The following DLC1 variants were observed in gnomAD, a reference collection of about 807,000 sequenced individuals.
The protein encoded by DLC1 is rho GTPase-activating protein 7.
A neutral mutation model predicts 140.3 loss-of-function variants in DLC1; 54 were observed. The observed-to-expected ratio is 0.38, with a 90% CI of 0.31 to 0.48. The LOEUF (loss-of-function observed/expected upper bound fraction) is 0.48, where lower values mean the gene tolerates loss of function less well. Ranked by LOEUF, DLC1 falls within the 20% of genes least tolerant of loss-of-function variation. DLC1 has a pLI of 0.96. For missense variants in DLC1, 2,536 were observed against 1,907.0 expected, an observed-to-expected ratio of 1.33 and a Z score of -6.14; for synonymous variants, 986 against 728.1, an observed-to-expected ratio of 1.35 and a Z score of -5.70.
At chr8:13,295,608 T>C (rs966070506) in intron 5 of DLC1, among the ~76,000 whole-genome samples, 3 of 152,210 alleles carry the variant, frequency 2.0e-5, no homozygotes, top group Admixed American at 2.0e-4. Flanking sequence ...GAAATGTCTA[T>C]GGAATCCATT....
intron 5 of DLC1, among the ~76,000 whole-genome samples, chr8:13,282,881 T>G (rs1831412843): frequency 6.6e-6 from 1 of 152,208 alleles, no homozygotes; most frequent in Admixed American, 6.5e-5. Flanking sequence ...ATTAGAAGAC[T>G]TCCTTCTGAG....
rs1365161575 is a variant in DLC1, at chr8:13,439,477, T to TTTCTTTTTTTTTTTAAATCCC, written c.1024-37879_1024-37859dup. 3.3e-5 allele frequency among the ~76,000 whole-genome samples: 5 copies of TTTCTTTTTTTTTTTAAATCCC among 152,184 alleles called. No homozygotes were observed. In the East Asian group the frequency reaches 5.8e-4, roughly 18 times the overall value. ...TTCATACAACTTTCTCTGTTTTTCT[T>TTTCTTTTTTTTTTTAAATCCC]TTCTTTTTTTTTTTAAATCCCTAAT... On this transcript the variant is annotated intron_variant, in intron 2 of 17. Transcript: ENST00000276297.
At chr8:13,438,089 C>T (rs554202323) in intron 2 of DLC1, among the ~76,000 whole-genome samples, 12 of 148,922 alleles carry the variant, frequency 8.1e-5, no homozygotes, top group Admixed American at 6.7e-4. Context: ...TCTTTCAATA[C>T]TTTTCTCTAA....
chr8:13,280,287 C>CAAAAAAAAAAAAA (rs55791933), intron 5 of DLC1, among the ~76,000 whole-genome samples: 4 of 65,346 alleles, frequency 6.1e-5, no homozygotes, highest in Non-Finnish European at 8.2e-5. Flanking sequence ...GACTCCATCT[C>CAAAAAAAAAAAAA]AAAAAAAAAA....
At position 13,102,967 on chromosome 8, in the gene DLC1, T is replaced by C. The variant is rs1274161232; in HGVS notation, c.1503-114A>G. 4 of 810,602 alleles carry C rather than the reference T, an allele frequency of 4.9e-6. No homozygotes were observed. The East Asian group carries it at 1.0e-4, about 20-fold the overall frequency. 50.2% of individuals were successfully genotyped at this position (810,602 alleles called of 1,614,324 possible). A position where few individuals can be genotyped will look rare whatever the true frequency, so the allele number is the denominator to read the frequency against. On this transcript the variant is annotated intron_variant, in intron 7 of 17. Transcript: ENST00000276297. ...TAAGGAGTTTCTTGAAACTCAGTAA[T>C]ACCTAATACCTAGAGGAGTATTAGA...
intron 1 of DLC1, among the ~76,000 whole-genome samples, chr8:13,506,056 T>C (rs996444444): frequency 9.7e-5 from 14 of 144,066 alleles, no homozygotes; most frequent in African/African-American, 3.3e-4. Context: ...TACATATATG[T>C]GTGTGTGTAT....
intron 1 of DLC1, among the ~76,000 whole-genome samples, chr8:13,570,475 G>A (rs1166095280): frequency 3.6e-4 from 44 of 122,682 alleles, no homozygotes; most frequent in African/African-American, 1.4e-3. Context: ...TCCCCAGAGT[G>A]TGATATTCCC....
chr8:13,185,828 G>A (rs1469922802), intron 5 of DLC1, among the ~76,000 whole-genome samples: 1 of 152,166 alleles, frequency 6.6e-6, no homozygotes, highest in Non-Finnish European at 1.5e-5. Flanking sequence ...AGGAGCTCTT[G>A]TAAGGCAGGC....
chr8:13,556,655 G>C, intron 1 of DLC1, among the ~76,000 whole-genome samples: 1 of 152,142 alleles, frequency 6.6e-6, no homozygotes, highest in Non-Finnish European at 1.5e-5. Flanking sequence ...GCCTGATACA[G>C]ACATAGGCTG....
At chr8:13,483,717 C>T (rs775915965) in intron 2 of DLC1, among the ~76,000 whole-genome samples, 1 of 152,034 alleles carries the variant, frequency 6.6e-6, no homozygotes, top group Non-Finnish European at 1.5e-5. Context: ...TGTGACTGTC[C>T]TTGAAAACCA....
intron 5 of DLC1, among the ~76,000 whole-genome samples, chr8:13,183,580 GT>G (rs906737560): frequency 4.6e-5 from 7 of 152,032 alleles, no homozygotes; most frequent in Admixed American, 4.6e-4. Flanking sequence ...TAATCATGTG[GT>G]TTTTTTCATT....
chr8:13,431,812 C>T (rs1008362507), intron 2 of DLC1, among the ~76,000 whole-genome samples: 6 of 151,814 alleles, frequency 4.0e-5, no homozygotes, highest in Non-Finnish European at 5.9e-5. Flanking sequence ...AGGATAGGGG[C>T]CATGAAAGTG....
intron 1 of DLC1, among the ~76,000 whole-genome samples, chr8:13,591,131 A>T (rs1332484017): frequency 6.6e-6 from 1 of 152,082 alleles, no homozygotes; most frequent in African/African-American, 2.4e-5. Flanking sequence ...ATTTTTCCTC[A>T]AAGTGTGATG....
intron 2 of DLC1, among the ~76,000 whole-genome samples, chr8:13,431,399 T>C (rs370101548): frequency 4.4e-5 from 6 of 135,392 alleles, no homozygotes; most frequent in Middle Eastern, 4.3e-3. Flanking sequence ...AGGAGAATGG[T>C]GTGAACCCGG....
intron 2 of DLC1, among the ~76,000 whole-genome samples, chr8:13,409,747 A>G (rs1837706718): frequency 1.3e-5 from 2 of 152,140 alleles, no homozygotes; most frequent in South Asian, 2.1e-4. Flanking sequence ...AATAAATAGT[A>G]TTTGTCTCTT....
intron 2 of DLC1, among the ~76,000 whole-genome samples, chr8:13,491,890 A>C (rs1218191430): frequency 6.6e-6 from 1 of 152,216 alleles, no homozygotes; most frequent in Non-Finnish European, 1.5e-5. Context: ...CACAACGAAG[A>C]CATGCATTCG....
At chr8:13,358,243 C>T (rs1835041611) in intron 4 of DLC1, among the ~76,000 whole-genome samples, 1 of 152,194 alleles carries the variant, frequency 6.6e-6, no homozygotes, top group Non-Finnish European at 1.5e-5. Context: ...ATCCTACAAA[C>T]ACGCATAAAA....
intron 4 of DLC1, among the ~76,000 whole-genome samples, chr8:13,319,481 G>GA (rs1563250263): frequency 8.2e-6 from 1 of 121,662 alleles, no homozygotes; most frequent in Admixed American, 9.4e-5. Flanking sequence ...GGGCGGGGGG[G>GA]GGGGGTGGAT....
At chr8:13,399,427 T>A (rs1268835855) in intron 3 of DLC1, among the ~76,000 whole-genome samples, 1 of 152,130 alleles carries the variant, frequency 6.6e-6, no homozygotes, top group Non-Finnish European at 1.5e-5. Flanking sequence ...CACAGGTAAA[T>A]TACTCATCCT....
Sources: allele counts gnomAD v4.1 joint callset (sites outside exome capture counted in the v4.1 genomes callset), GRCh38; gene constraint gnomAD v4.1.1; transcripts MANE v1.5; gene names NCBI Gene and HGNC (gene_info 2026-07-23, HGNC 2026-07-21).